SPTLC3: variants seen among roughly 807,000 people sequenced by gnomAD.
SPTLC3 encodes the protein serine palmitoyltransferase 3.
Under a neutral mutation model 59.3 loss-of-function variants are expected in SPTLC3, and 36 were observed. The observed-to-expected ratio is 0.61, with a 90% confidence interval of 0.47 to 0.80. The LOEUF is 0.80. SPTLC3 is among the 30% of genes least tolerant of loss of function. The pLI, the probability that SPTLC3 is intolerant of heterozygous loss-of-function variation, is 0.00. For missense variants in SPTLC3, 625 were observed against 685.1 expected (o/e 0.91, Z 0.98); for synonymous variants, 257 against 240.8 (o/e 1.07, Z -0.62).
chr20:13,106,823 A>C (rs889303106), intron 6 of SPTLC3, among the ~76,000 whole-genome samples: 1 of 152,220 alleles, frequency 6.6e-6, no homozygotes, highest in Middle Eastern at 3.2e-3. Flanking sequence ...GTAGAAATGC[A>C]TAAGACCTCT....
intron 5 of SPTLC3, among the ~76,000 whole-genome samples, chr20:13,091,777 G>T (rs1209718294): frequency 6.6e-6 from 1 of 151,904 alleles, no homozygotes; most frequent in Non-Finnish European, 1.5e-5. Flanking sequence ...CATAATTTTG[G>T]GCTCCTGAGT....
At chr20:13,073,744 C>A in intron 3 of SPTLC3, 1 of 543,874 alleles carries the variant, frequency 1.8e-6, no homozygotes, top group South Asian at 1.6e-5. Flanking sequence ...CCAACAGTAT[C>A]CATTATTCCA....
chr20:13,071,954 G>T (rs1440036797), intron 2 of SPTLC3, among the ~76,000 whole-genome samples: 1 of 152,158 alleles, frequency 6.6e-6, no homozygotes, highest in Non-Finnish European at 1.5e-5. Flanking sequence ...AAACTGCTTT[G>T]GACATAGACA....
chr20:13,132,171 ATTTTTTTT>A (rs35718222), intron 9 of SPTLC3, among the ~76,000 whole-genome samples: 5 of 104,000 alleles, frequency 4.8e-5, no homozygotes, highest in African/African-American at 1.1e-4. Context: ...CCTTGCTTTA[ATTTTTTTT>A]TTTTTTTTTT....
chr20:13,011,917 G>A (rs1341246597), intron 1 of SPTLC3, among the ~76,000 whole-genome samples: 2 of 152,046 alleles, frequency 1.3e-5, no homozygotes, highest in African/African-American at 4.8e-5. Context: ...ACTACAGACA[G>A]ATGGGTGCTT....
At chr20:13,155,864 A>T (rs184124084) in intron 10 of SPTLC3, among the ~76,000 whole-genome samples, 1 of 152,190 alleles carries the variant, frequency 6.6e-6, no homozygotes, top group Non-Finnish European at 1.5e-5. Context: ...AGCATGCCAC[A>T]TCATTCCCAC....
At chr20:13,052,804 A>G (rs1033162928) in intron 2 of SPTLC3, among the ~76,000 whole-genome samples, 14 of 152,176 alleles carry the variant, frequency 9.2e-5, no homozygotes, top group African/African-American at 3.4e-4. Context: ...AGTACACCAC[A>G]GCTCCTCAAA....
At chr20:13,047,620 G>A (rs1431437) in intron 1 of SPTLC3, among the ~76,000 whole-genome samples, 151,602 of 152,254 alleles carry the variant, frequency 1, 75,480 homozygotes, top group Middle Eastern at 1. Context: ...TAGCATTAGA[G>A]ATACGTATTT....
intron 4 of SPTLC3, among the ~76,000 whole-genome samples, chr20:13,075,421 A>C (rs2122578778): frequency 6.6e-6 from 1 of 152,344 alleles, no homozygotes; most frequent in African/African-American, 2.4e-5. Context: ...CTCTTAGGTA[A>C]CCAATTAGTA....
chr20:13,017,324 A>G (rs972018125), intron 1 of SPTLC3, among the ~76,000 whole-genome samples: 7 of 152,124 alleles, frequency 4.6e-5, no homozygotes, highest in African/African-American at 1.7e-4. Flanking sequence ...ACTTTGAACA[A>G]CTCTAAGCTA....
At chr20:13,015,812 T>G (rs1193071690) in intron 1 of SPTLC3, among the ~76,000 whole-genome samples, 3 of 152,090 alleles carry the variant, frequency 2.0e-5, no homozygotes, top group Non-Finnish European at 4.4e-5. Context: ...TAGGTAATTG[T>G]TAATCTATTA....
chr20:13,029,376 C>T (rs1291921607), intron 1 of SPTLC3, among the ~76,000 whole-genome samples: 1 of 152,160 alleles, frequency 6.6e-6, no homozygotes, highest in African/African-American at 2.4e-5. Flanking sequence ...ATAACTCATG[C>T]TTTTCACCTA....
intron 10 of SPTLC3, among the ~76,000 whole-genome samples, chr20:13,157,283 A>AT (rs2038794839): frequency 6.6e-6 from 1 of 151,304 alleles, no homozygotes; most frequent in Non-Finnish European, 1.5e-5. Context: ...CAAAAAAAAA[A>AT]AAAATTAGCT....
chr20:13,151,164 T>C (rs1273626658), intron 9 of SPTLC3, among the ~76,000 whole-genome samples: 1 of 152,242 alleles, frequency 6.6e-6, no homozygotes, highest in African/African-American at 2.4e-5. Flanking sequence ...TGGCTTACTC[T>C]GTCTCACAGA....
intron 4 of SPTLC3, among the ~76,000 whole-genome samples, chr20:13,076,571 G>A (rs901676404): frequency 3.0e-4 from 45 of 151,196 alleles, no homozygotes; most frequent in African/African-American, 9.0e-4. Flanking sequence ...GATAGAAAAC[G>A]AAATAACAAG....
chr20:13,020,605 T>A (rs2876238), intron 1 of SPTLC3, among the ~76,000 whole-genome samples: 85,942 of 152,042 alleles, frequency 0.57, 26,961 homozygotes, highest in South Asian at 0.71. Flanking sequence ...AAAACTATTT[T>A]TATATACTCT....
intron 7 of SPTLC3, among the ~76,000 whole-genome samples, chr20:13,116,891 A>T (rs1990588100): frequency 6.7e-6 from 1 of 150,192 alleles, no homozygotes; most frequent in South Asian, 2.1e-4. Flanking sequence ...GAGGATTCTG[A>T]TGTTCACTCA....
intron 6 of SPTLC3, among the ~76,000 whole-genome samples, chr20:13,108,724 A>T (rs1389962377): frequency 1.3e-5 from 2 of 152,070 alleles, no homozygotes; most frequent in Non-Finnish European, 2.9e-5. Flanking sequence ...AGAGGTGCCT[A>T]CCACCATACC....
Position 13,059,077 on chromosome 20 carries a change from T to A in SPTLC3, c.303+9947T>A, listed in dbSNP as rs191603618. Among the ~76,000 whole-genome samples, 63 of 152,344 alleles carry A rather than the reference T, an allele frequency of 4.1e-4. 2 individuals carry two copies. Among genetic ancestry groups the A allele is most frequent in the South Asian group, 3.3e-3 (16 of 4,824 alleles). The stretch of plus-strand genomic sequence containing the variant: ...GGCACCAGCAAGGTTCTGTGGAGGT[T>A]TGGAACATTTTGGCCTTGACCAGGT... On this transcript the variant is annotated intron_variant, in intron 2 of 11. Transcript: ENST00000399002.
Sources: gnomAD v4.1 joint callset for allele counts (sites outside exome capture counted in the v4.1 genomes callset) on GRCh38, gnomAD v4.1.1 for gene constraint, MANE v1.5 for transcripts, NCBI Gene and HGNC (gene_info 2026-07-23, HGNC 2026-07-21) for gene names.